Variants in SRPK2 observed in about 807,000 individuals in gnomAD.
SRPK2 encodes SRSF protein kinase 2.
In SRPK2, 21 loss-of-function variants were observed where a neutral mutation model predicts 90.8. That is an observed-to-expected ratio of 0.23 (90% CI 0.16 to 0.33). SRPK2 has a LOEUF of 0.33. Among genes scored for constraint, SRPK2 ranks in the 10% least tolerant of loss-of-function variants. The pLI, the probability that SRPK2 is intolerant of heterozygous loss-of-function variation, is 1.00. For missense variants in SRPK2, 620 were observed against 869.0 expected (o/e 0.71, Z 3.60); for synonymous variants, 288 against 311.1 (o/e 0.93, Z 0.78).
intron 2 of SRPK2, among the ~76,000 whole-genome samples, chr7:105,278,501 C>G (rs1327248891): frequency 7.1e-6 from 1 of 140,884 alleles, no homozygotes; most frequent in Non-Finnish European, 1.5e-5. Context: ...CGGTGAACCC[C>G]ATCTCTAATA....
At chr7:105,195,422 T>A (rs1469161667) in intron 3 of SRPK2, among the ~76,000 whole-genome samples, 1 of 152,264 alleles carries the variant, frequency 6.6e-6, no homozygotes, top group African/African-American at 2.4e-5. Flanking sequence ...TTCTTTCGGT[T>A]TTCTGTGGGG....
chr7:105,388,638 G>T lies in SRPK2; in HGVS notation c.71+10C>A, dbSNP rs1216336781. On this transcript the variant is annotated intron_variant, in intron 2 of 15. Coordinates refer to ENST00000393651, the MANE Select transcript of SRPK2 (RefSeq NM_182692.3). ...GGTGGGGAACGGGGACAGGCGCAGC[G>T]TGGACTCACTTTTTCGGATGTTTCT... 8 of 1,583,638 alleles carry T rather than the reference G, an allele frequency of 5.1e-6. No individual in the cohort carries two copies. Among genetic ancestry groups the T allele is most frequent in the African/African-American group, 1.4e-5 (1 of 72,084 alleles).
At chr7:105,379,354 TA>T (rs1201857611) in intron 2 of SRPK2, among the ~76,000 whole-genome samples, 1 of 152,124 alleles carries the variant, frequency 6.6e-6, no homozygotes, top group Non-Finnish European at 1.5e-5. Context: ...AGAGATAATT[TA>T]AAATATACAG....
chr7:105,331,337 A>AAAAAAAAAAAAAAAC (rs1554512429), intron 2 of SRPK2, among the ~76,000 whole-genome samples: 6 of 141,932 alleles, frequency 4.2e-5, no homozygotes, highest in Non-Finnish European at 7.6e-5. Context: ...AAAAAAAAAA[A>AAAAAAAAAAAAAAAC]CAAATAGTTA....
At chr7:105,124,900 G>C (rs2129573071) in intron 15 of SRPK2, among the ~76,000 whole-genome samples, 1 of 152,108 alleles carries the variant, frequency 6.6e-6, no homozygotes, top group East Asian at 1.9e-4. Context: ...GGAAGGCTAA[G>C]GCGGGTGGAT....
intron 7 of SRPK2, among the ~76,000 whole-genome samples, chr7:105,159,448 C>CAAAAAAAAAAAAAAAAAAAAAAA (rs765544583): frequency 4.2e-4 from 14 of 33,140 alleles, no homozygotes; most frequent in Admixed American, 9.0e-4. Context: ...ACTCCGTCTC[C>CAAAAAAAAAAAAAAAAAAAAAAA]AAAAAAAAAA....
chr7:105,295,648 TAC>T lies in SRPK2; in HGVS notation c.72-91865_72-91864del, dbSNP rs1164740709. On this transcript the variant is annotated intron_variant, in intron 2 of 15. Coordinates refer to ENST00000393651, the MANE Select transcript of SRPK2 (RefSeq NM_182692.3). Reference sequence around the variant, plus strand: ...AAATGGGGAGTTGCTGTTTAATGGGTACAGAGTTTCTGTTTGAAATGAAAAAT... The same window carrying T: ...AAATGGGGAGTTGCTGTTTAATGGGTAGAGTTTCTGTTTGAAATGAAAAAT... Among the ~76,000 whole-genome samples, 7 of 152,324 alleles carry T rather than the reference TAC, an allele frequency of 4.6e-5. No individual in the cohort carries two copies. The East Asian group carries it at 1.3e-3, about 29-fold the overall frequency.
chr7:105,127,110 A>G, intron 13 of SRPK2, 48 bp from the exon 14 acceptor site: 1 of 1,582,772 alleles, frequency 6.3e-7, no homozygotes, highest in Non-Finnish European at 8.7e-7. Context: ...ACTGGCCCCC[A>G]AGTCAACAGC....
intron 2 of SRPK2, among the ~76,000 whole-genome samples, chr7:105,355,909 C>T (rs1433826946): frequency 2.0e-5 from 3 of 151,878 alleles, no homozygotes; most frequent in Non-Finnish European, 2.9e-5. Flanking sequence ...ATTAGCCAGG[C>T]GTGGTGGCAT....
rs563371966 is a variant in SRPK2 at position 105,255,662 on chromosome 7, T to C, written c.72-51877A>G. Among the ~76,000 whole-genome samples the C allele has an allele frequency of 2.6e-5, 4 of 152,336 alleles. No individual in the cohort carries two copies. The South Asian group carries it at 8.3e-4, about 32-fold the overall frequency. On this transcript the variant is annotated intron_variant, in intron 2 of 15. Coordinates refer to ENST00000393651, the MANE Select transcript of SRPK2 (RefSeq NM_182692.3). ...AAACGCACATCTAGGCCAGGCACAG[T>C]GACTCTTGCCTGTAATCCCAGCACT...
chr7:105,270,410 CTTTT>C (rs34076915), intron 2 of SRPK2, among the ~76,000 whole-genome samples: 89 of 141,388 alleles, frequency 6.3e-4, no homozygotes, highest in Non-Finnish European at 6.7e-4. Context: ...CTCCTCTGCC[CTTTT>C]TTTTTTTTTT....
At chr7:105,261,022 T>TAAA (rs72277307) in intron 2 of SRPK2, among the ~76,000 whole-genome samples, 29,006 of 115,614 alleles carry the variant, frequency 0.25, 3,923 homozygotes, top group Non-Finnish European at 0.31. Context: ...CCCTAGAAAT[T>TAAA]AAAAAAAAAA....
At position 105,295,659 on chromosome 7, in the gene SRPK2, T is replaced by C. The variant is rs1809723116; in HGVS notation, c.72-91874A>G. Among the ~76,000 whole-genome samples, 3 of 152,342 alleles carry C rather than the reference T, an allele frequency of 2.0e-5. No individual in the cohort carries two copies. In the South Asian group the frequency reaches 6.2e-4, roughly 32 times the overall value. ...TGCTGTTTAATGGGTACAGAGTTTC[T>C]GTTTGAAATGAAAAATTTCTAAAAA... On this transcript the variant is annotated intron_variant, in intron 2 of 15. Coordinates refer to ENST00000393651, the MANE Select transcript of SRPK2 (RefSeq NM_182692.3).
chr7:105,240,839 C>T (rs1800720094), intron 2 of SRPK2, among the ~76,000 whole-genome samples: 2 of 152,106 alleles, frequency 1.3e-5, no homozygotes, highest in South Asian at 4.1e-4. Flanking sequence ...AATACTCGTC[C>T]AGTATGTACT....
intron 2 of SRPK2, chr7:105,301,468 C>G: frequency 1.0e-6 from 1 of 981,832 alleles, no homozygotes; most frequent in Non-Finnish European, 1.6e-6. Flanking sequence ...CTCGCTTTGT[C>G]TTCGTTGTTG....
chr7:105,377,697 A>G (rs1820468784), intron 2 of SRPK2, among the ~76,000 whole-genome samples: 1 of 152,154 alleles, frequency 6.6e-6, no homozygotes, highest in African/African-American at 2.4e-5. Context: ...AAGACCCCGT[A>G]TCAAAAAAAA....
At chr7:105,365,398 A>T (rs1818911985) in intron 2 of SRPK2, among the ~76,000 whole-genome samples, 1 of 150,742 alleles carries the variant, frequency 6.6e-6, no homozygotes, top group Non-Finnish European at 1.5e-5. Flanking sequence ...AGGCAGGAGA[A>T]TCGCTTGAAC....
chr7:105,389,466 G>C, upstream of SRPK2: 1 of 1,143,314 alleles, frequency 8.7e-7, no homozygotes, highest in Admixed American at 3.8e-5. Flanking sequence ...CCTTGGAGAA[G>C]TCATTTTCTC....
chr7:105,205,897 C>T, intron 2 of SRPK2: 1 of 513,822 alleles, frequency 1.9e-6, no homozygotes, highest in Non-Finnish European at 3.9e-6. Context: ...AACTCAGAAA[C>T]TTTATATAAA....
Sources: gnomAD v4.1 joint callset for allele counts (sites outside exome capture counted in the v4.1 genomes callset) on GRCh38, gnomAD v4.1.1 for gene constraint, MANE v1.5 for transcripts, NCBI Gene and HGNC (gene_info 2026-07-23, HGNC 2026-07-21) for gene names.